The following BTBD9 variants were observed in gnomAD, a reference collection of about 807,000 sequenced individuals.
BTBD9 encodes BTB domain containing 9, also known as BTB/POZ domain-containing protein 9.
Under a neutral mutation model 64.3 loss-of-function variants are expected in BTBD9, and 49 were observed. The observed-to-expected ratio is 0.76, with a 90% CI of 0.61 to 0.97. The LOEUF is 0.97. Among genes scored for constraint, BTBD9 ranks in the 50% least tolerant of loss-of-function variants. The pLI is 0.00. For missense variants in BTBD9, 598 were observed against 762.1 expected (o/e 0.78, Z 2.53); for synonymous variants, 260 against 274.7 (o/e 0.95, Z 0.53).
At chr6:38,383,020 C>T (rs1174369212) in intron 6 of BTBD9, among the ~76,000 whole-genome samples, 4 of 152,120 alleles carry the variant, frequency 2.6e-5, no homozygotes, top group Non-Finnish European at 5.9e-5. Context: ...AAAAAGAATA[C>T]TCTTCAACGC....
rs894385428 is a variant in BTBD9, at chr6:38,220,722, G to A, written c.1563-28125C>T. On this transcript the variant is annotated intron_variant, in intron 9 of 10. Coordinates refer to ENST00000481247, the MANE Select transcript of BTBD9 (RefSeq NM_001099272.2). ...CCTTTTACAATGTTGTGCAACACAAGAGCCATACACTAAAAATGCAGCCGA... is the reference window on the plus strand; with the variant it reads ...CCTTTTACAATGTTGTGCAACACAAAAGCCATACACTAAAAATGCAGCCGA... Among the ~76,000 whole-genome samples the A allele has an allele frequency of 2.0e-5, 3 of 152,302 alleles. No homozygotes were observed. In the Middle Eastern group the frequency reaches 0.01, roughly 518 times the overall value.
intron 7 of BTBD9, among the ~76,000 whole-genome samples, chr6:38,316,963 C>T (rs1047918265): frequency 1.3e-5 from 2 of 152,010 alleles, no homozygotes; most frequent in African/African-American, 4.8e-5. Flanking sequence ...TCTGGATATA[C>T]TATTCTAGGG....
At position 38,259,872 on chromosome 6, in the gene BTBD9, C is replaced by A. The variant is rs539070242; in HGVS notation, c.1455-3356G>T. Among the ~76,000 whole-genome samples, 6 of 152,254 alleles carry A rather than the reference C, an allele frequency of 3.9e-5. No individual in the cohort carries two copies. In the East Asian group the frequency reaches 1.2e-3, roughly 29 times the overall value. On this transcript the variant is annotated intron_variant, in intron 8 of 10. Coordinates refer to ENST00000481247, the MANE Select transcript of BTBD9 (RefSeq NM_001099272.2). ...CCTGAGTGTTTAATCTCTCCAAGTA[C>A]CCTGAATGAATCAGAAAGGATTCCA...
intron 6 of BTBD9, among the ~76,000 whole-genome samples, chr6:38,561,520 A>G (rs1775263264): frequency 6.6e-6 from 1 of 152,210 alleles, no homozygotes. Flanking sequence ...CACTATTCAC[A>G]ATAGCAAAGA....
At chr6:38,531,246 C>A (rs1163704467) in intron 6 of BTBD9, among the ~76,000 whole-genome samples, 1 of 152,170 alleles carries the variant, frequency 6.6e-6, no homozygotes, top group Non-Finnish European at 1.5e-5. Flanking sequence ...TGGCAGAAGA[C>A]TTCTCAGAAG....
chr6:38,412,881 C>CAA (rs1182462410), intron 6 of BTBD9, among the ~76,000 whole-genome samples: 5 of 151,728 alleles, frequency 3.3e-5, no homozygotes, highest in Admixed American at 2.6e-4. Flanking sequence ...ACAACAACAA[C>CAA]AACAAAACAG....
chr6:38,512,068 G>A (rs1170517977), intron 6 of BTBD9, among the ~76,000 whole-genome samples: 1 of 152,122 alleles, frequency 6.6e-6, no homozygotes, highest in Non-Finnish European at 1.5e-5. Flanking sequence ...CTGCCTCCCG[G>A]GTTCAAGTGA....
At chr6:38,617,887 C>T (rs1322581031) in intron 1 of BTBD9, among the ~76,000 whole-genome samples, 1 of 152,140 alleles carries the variant, frequency 6.6e-6, no homozygotes, top group East Asian at 1.9e-4. Context: ...GTAAGGGCTA[C>T]TAAATCCAAC....
intron 8 of BTBD9, among the ~76,000 whole-genome samples, chr6:38,264,381 A>G (rs1764899771): frequency 6.6e-6 from 1 of 152,122 alleles, no homozygotes; most frequent in African/African-American, 2.4e-5. Context: ...TGATGCAAAG[A>G]ACAGATGCGG....
chr6:38,400,154 T>C (rs1766865081), intron 6 of BTBD9, among the ~76,000 whole-genome samples: 1 of 152,164 alleles, frequency 6.6e-6, no homozygotes, highest in Non-Finnish European at 1.5e-5. Flanking sequence ...CATCGGGTCC[T>C]GTTTCCTTCA....
At chr6:38,277,979 G>A (rs1761345901) in intron 8 of BTBD9, among the ~76,000 whole-genome samples, 2 of 152,160 alleles carry the variant, frequency 1.3e-5, no homozygotes, top group South Asian at 4.1e-4. Flanking sequence ...AACCTTGCTA[G>A]GGCTGACCGT....
intron 6 of BTBD9, among the ~76,000 whole-genome samples, chr6:38,457,118 G>A (rs1257846104): frequency 6.6e-6 from 1 of 152,192 alleles, no homozygotes; most frequent in African/African-American, 2.4e-5. Flanking sequence ...CATCCTGGCT[G>A]GAGCTCAGTC....
intron 5 of BTBD9, among the ~76,000 whole-genome samples, chr6:38,579,880 G>A (rs1776211649): frequency 6.6e-6 from 1 of 152,080 alleles, no homozygotes; most frequent in African/African-American, 2.4e-5. Context: ...TTTTGTGTGT[G>A]TATGTGTCCA....
chr6:38,369,220 C>T lies in BTBD9; in HGVS notation c.1155-24127G>A, dbSNP rs551156579. 1.9e-3 allele frequency among the ~76,000 whole-genome samples: 295 copies of T among 152,330 alleles called. 1 individual carries two copies. Among genetic ancestry groups the T allele is most frequent in the Non-Finnish European group, 2.5e-3 (172 of 68,026 alleles). ...CACTCAAATGATACCTCTGCCTCTA[C>T]TCTTGCCATCCTCCATCAAATCCAT... On this transcript the variant is annotated intron_variant, in intron 6 of 10. Coordinates refer to ENST00000481247, the MANE Select transcript of BTBD9 (RefSeq NM_001099272.2).
chr6:38,201,165 C>T (rs1448707786), intron 9 of BTBD9, among the ~76,000 whole-genome samples: 1 of 152,102 alleles, frequency 6.6e-6, no homozygotes. Context: ...GGCCAATATC[C>T]TCAATGAACA....
In BTBD9 at chr6:38,580,245, C is replaced by T. The variant is rs1050334109; in HGVS notation, c.1007G>A (p.Arg336Gln). The part of the protein sequence containing the change: ...LGQPSIINHI[R>Q]ILLWDRDSRS... ...GCTATCTCGGTCCCACAAGAGTATC[C>T]GTATGTGATTGATAATGGATGGCTG... is the stretch of plus-strand genomic sequence containing the variant. The change falls in exon 5 of 11, where the codon CGG (arginine) becomes CAG (glutamine). Residue 336 changes from arginine (R) to glutamine (Q), a missense_variant. Transcript: ENST00000481247. The T allele has an allele frequency of 8.7e-6, 14 of 1,614,002 alleles. No homozygotes were observed. The highest frequency in any genetic ancestry group is 5.0e-5 in the Admixed American group (3 of 60,004).
At chr6:38,552,791 T>C (rs1283268804) in intron 6 of BTBD9, among the ~76,000 whole-genome samples, 2 of 151,436 alleles carry the variant, frequency 1.3e-5, no homozygotes, top group Admixed American at 1.3e-4. Context: ...TATGGCTGCA[T>C]GGTAAATATA....
At chr6:38,494,404 CA>C (rs1420900428) in intron 6 of BTBD9, among the ~76,000 whole-genome samples, 3 of 152,168 alleles carry the variant, frequency 2.0e-5, no homozygotes, top group African/African-American at 7.2e-5. Context: ...CGAAACAAAA[CA>C]AACCTAATGT....
chr6:38,265,493 T>C (rs985816654), intron 8 of BTBD9, among the ~76,000 whole-genome samples: 6 of 148,736 alleles, frequency 4.0e-5, no homozygotes, highest in Non-Finnish European at 8.9e-5. Flanking sequence ...AATACAAAAC[T>C]ACCAATCTTT....
Sources: gnomAD v4.1 joint callset for allele counts (sites outside exome capture counted in the v4.1 genomes callset) on GRCh38, gnomAD v4.1.1 for gene constraint, MANE v1.5 for transcripts, NCBI Gene and HGNC (gene_info 2026-07-23, HGNC 2026-07-21) for gene names.